The following SCP2 variants were observed in gnomAD, a reference collection of about 807,000 sequenced individuals.
SCP2 encodes the protein SCP-2/3-oxoacyl-CoA thiolase.
SCP2 carries 48 observed loss-of-function variants against 71.4 expected under a neutral mutation model. The ratio of observed to expected loss-of-function variants is 0.67; its 90% CI spans 0.53 to 0.86. The LOEUF is 0.86. Among genes scored for constraint, SCP2 ranks in the 40% least tolerant of loss-of-function variants. The pLI, the probability that SCP2 is intolerant of heterozygous loss-of-function variation, is 0.00. For missense variants in SCP2, 560 were observed against 655.6 expected (o/e 0.85, Z 1.59); for synonymous variants, 220 against 218.1 (o/e 1.01, Z -0.08).
chr1:53,027,171 C>T (rs1662192697), intron 12 of SCP2, among the ~76,000 whole-genome samples: 1 of 152,094 alleles, frequency 6.6e-6, no homozygotes, highest in East Asian at 1.9e-4. Context: ...CCTTCCATCT[C>T]AGCCTCCTGA....
At chr1:52,971,914 G>A (rs141891612) in intron 6 of SCP2, among the ~76,000 whole-genome samples, 12 of 152,308 alleles carry the variant, frequency 7.9e-5, no homozygotes, top group African/African-American at 2.9e-4. Context: ...GGGAAAAGGA[G>A]TTCTGGTTTC....
At chr1:52,994,233 G>A (rs993130874) in intron 11 of SCP2, 3 of 1,011,746 alleles carry the variant, frequency 3.0e-6, no homozygotes, top group Non-Finnish European at 3.5e-6. Flanking sequence ...GGTCACTGAA[G>A]CCTTTAAGAG....
intron 14 of SCP2, among the ~76,000 whole-genome samples, chr1:53,044,560 C>T (rs1334944320): frequency 6.6e-6 from 1 of 152,208 alleles, no homozygotes; most frequent in Admixed American, 6.5e-5. Context: ...AGTTTTCATT[C>T]TATTGGACAA....
intron 8 of SCP2, among the ~76,000 whole-genome samples, 168 bp downstream of exon 8, chr1:52,976,937 C>G (rs984467014): frequency 3.5e-4 from 54 of 152,128 alleles, no homozygotes. Flanking sequence ...ACTTCTTACT[C>G]CTGCCTGGAG....
chr1:52,993,073 G>A, intron 11 of SCP2: 2 of 1,140,656 alleles, frequency 1.8e-6, no homozygotes, highest in Admixed American at 3.6e-5. Context: ...CAGCTTCTTG[G>A]TCTAAGGCTA....
chr1:52,958,825 G>T (rs542537272), intron 5 of SCP2, among the ~76,000 whole-genome samples: 1 of 152,096 alleles, frequency 6.6e-6, no homozygotes, highest in Non-Finnish European at 1.5e-5. Context: ...AAAGTGTTGG[G>T]ATTACAGGTG....
intron 14 of SCP2, among the ~76,000 whole-genome samples, chr1:53,042,076 A>G (rs945508171): frequency 2.0e-5 from 3 of 152,076 alleles, no homozygotes; most frequent in Non-Finnish European, 4.4e-5. Flanking sequence ...TGTGGGCAGC[A>G]TGGCTTTGTT....
intron 10 of SCP2, among the ~76,000 whole-genome samples, chr1:52,982,176 C>A (rs1242575061): frequency 6.6e-6 from 1 of 152,080 alleles, no homozygotes; most frequent in Non-Finnish European, 1.5e-5. Context: ...TCAGCAATAT[C>A]CCTGCCTCTT....
At chr1:53,017,273 A>G (rs574646296) in intron 12 of SCP2, among the ~76,000 whole-genome samples, 36 of 152,302 alleles carry the variant, frequency 2.4e-4, no homozygotes, top group African/African-American at 8.7e-4. Context: ...GTTTTGATAA[A>G]CATACAGTCG....
At chr1:53,016,712 G>T (rs950170785) in intron 12 of SCP2, among the ~76,000 whole-genome samples, 3 of 152,176 alleles carry the variant, frequency 2.0e-5, no homozygotes, top group Non-Finnish European at 4.4e-5. Flanking sequence ...AGATTATTTT[G>T]TGTGTGCCTG....
intron 13 of SCP2, among the ~76,000 whole-genome samples, chr1:53,029,065 C>T (rs779167804): frequency 2.0e-5 from 3 of 151,638 alleles, no homozygotes; most frequent in Non-Finnish European, 4.4e-5. Flanking sequence ...GGTGAGCCAC[C>T]GTGCCCACCA....
At chr1:53,030,376 T>C (rs1471510895) in intron 13 of SCP2, among the ~76,000 whole-genome samples, 1 of 152,234 alleles carries the variant, frequency 6.6e-6, no homozygotes, top group African/African-American at 2.4e-5. Flanking sequence ...GGAGGAAAAT[T>C]GTTGGGTGGT....
chr1:52,933,070 A>G (rs1653309304), intron 1 of SCP2, among the ~76,000 whole-genome samples: 1 of 152,234 alleles, frequency 6.6e-6, no homozygotes, highest in African/African-American at 2.4e-5. Context: ...ATCTTAAAAT[A>G]TCTTTTTCTA....
chr1:52,991,560 C>A (rs1023826910), intron 11 of SCP2, among the ~76,000 whole-genome samples: 3 of 152,172 alleles, frequency 2.0e-5, no homozygotes, highest in Non-Finnish European at 4.4e-5. Context: ...GCCACCACGC[C>A]CAGCTAATTT....
At chr1:53,022,123 A>G (rs1310483738) in intron 12 of SCP2, among the ~76,000 whole-genome samples, 3 of 152,208 alleles carry the variant, frequency 2.0e-5, no homozygotes, top group Non-Finnish European at 4.4e-5. Context: ...GTGTGTACCC[A>G]TTAGTAATCC....
intron 13 of SCP2, among the ~76,000 whole-genome samples, chr1:53,037,950 TACAC>T (rs67763248): frequency 0.36 from 42,645 of 119,622 alleles, 9,006 homozygotes; most frequent in Middle Eastern, 0.5. Flanking sequence ...CCTGTCTCTA[TACAC>T]ACACACACAC....
In SCP2 at chr1:52,988,009, T is replaced by C; in HGVS notation, c.974-20T>C. ...TATTGTTACTATTAATATTTGTGAA[T>C]ACTATTTTTTCTTCTATAGGACAAG... On this transcript the variant is annotated intron_variant, in intron 10 of 15. Coordinates refer to ENST00000371514, the MANE Select transcript of SCP2 (RefSeq NM_002979.5). 3.4e-6 allele frequency: 4 copies of C among 1,165,194 alleles called. No individual in the cohort carries two copies. The South Asian group carries it at 3.7e-5, about 11-fold the overall frequency. The allele number at this position is 1,165,194 out of a possible 1,614,324, so 72.2% of individuals were successfully genotyped here. A position where few individuals can be genotyped will look rare whatever the true frequency, so the allele number is the denominator to read the frequency against.
chr1:52,980,479 A>G lies in SCP2; in HGVS notation c.909A>G (p.Glu303=), dbSNP rs1572131768. 2 of 1,613,952 alleles carry G rather than the reference A, an allele frequency of 1.2e-6. No individual in the cohort carries two copies. Among genetic ancestry groups the G allele is most frequent in the Non-Finnish European group, 1.7e-6 (2 of 1,179,794 alleles). The change falls in exon 10 of 16, where the codon GAA becomes GAG. Residue 303 remains glutamate, a synonymous_variant. Transcript: ENST00000371514. ...CACCAAATGATATTGACGTAATAGA[A>G]CTTCACGATTGCTTTTCTACCAACG... ...GLTPNDIDVI[E]LHDCFSTNEL... is the part of the protein sequence containing the mutation.
chr1:52,969,628 C>T (rs942234556), intron 6 of SCP2, among the ~76,000 whole-genome samples: 4 of 152,144 alleles, frequency 2.6e-5, no homozygotes, highest in African/African-American at 4.8e-5. Context: ...TCAAGACCAG[C>T]CTGGCCAACA....
Sources: allele counts gnomAD v4.1 joint callset (sites outside exome capture counted in the v4.1 genomes callset), GRCh38; gene constraint gnomAD v4.1.1; transcripts MANE v1.5; gene names NCBI Gene and HGNC (gene_info 2026-07-23, HGNC 2026-07-21).